GRHL2: variants seen among roughly 807,000 people sequenced by gnomAD.
GRHL2 encodes the protein grainyhead like transcription factor 2.
A neutral mutation model predicts 83.8 loss-of-function variants in GRHL2; 21 were observed. The ratio of observed to expected loss-of-function variants is 0.25; its 90% CI spans 0.18 to 0.36. The LOEUF (loss-of-function observed/expected upper bound fraction) is 0.36, where lower values mean the gene tolerates loss of function less well. Among genes scored for constraint, GRHL2 ranks in the 10% least tolerant of loss-of-function variants. The probability of loss-of-function intolerance (pLI) is 1.00; values close to 1 mark genes in which losing one functional copy is unlikely to be tolerated. For synonymous variants in GRHL2, 280 were observed against 278.9 expected, an observed-to-expected ratio of 1.00 and a Z score of -0.04; for missense variants, 623 against 781.8, an observed-to-expected ratio of 0.80 and a Z score of 2.42.
chr8:101,615,777 A>C (rs562774208), intron 8 of GRHL2, among the ~76,000 whole-genome samples: 140 of 152,038 alleles, frequency 9.2e-4, no homozygotes, highest in Non-Finnish European at 1.7e-3. Context: ...CTTCCCTCTG[A>C]CTTCTGTGAT....
chr8:101,633,767 T>C (rs1482416796), intron 11 of GRHL2, among the ~76,000 whole-genome samples: 1 of 152,150 alleles, frequency 6.6e-6, no homozygotes, highest in Admixed American at 6.5e-5. Flanking sequence ...TGATGATTTG[T>C]GTCTGCACTG....
At chr8:101,639,936 C>T (rs1209146201) in intron 12 of GRHL2, among the ~76,000 whole-genome samples, 1 of 152,226 alleles carries the variant, frequency 6.6e-6, no homozygotes, top group African/African-American at 2.4e-5. Flanking sequence ...AAAATCATCA[C>T]TCACACAATG....
Position 101,585,201 on chromosome 8 carries a change from T to C in GRHL2, c.1003+7682T>C, listed in dbSNP as rs75578609. On this transcript the variant is annotated intron_variant, in intron 7 of 15. Transcript: ENST00000646743. ...CTTCCCACCATCCCACCTAGTTTAG[T>C]TCTCTGGTTCTCTGGAGGGCTGTCC... 9.2e-5 allele frequency among the ~76,000 whole-genome samples: 14 copies of C among 152,332 alleles called. 1 individual carries two copies. In the East Asian group the frequency reaches 2.7e-3, roughly 29 times the overall value.
At chr8:101,549,224 G>A (rs941852618) in intron 2 of GRHL2, among the ~76,000 whole-genome samples, 24 of 152,140 alleles carry the variant, frequency 1.6e-4, no homozygotes, top group African/African-American at 5.1e-4. Context: ...ATGCATGGTC[G>A]TAGATATAGT....
intron 9 of GRHL2, among the ~76,000 whole-genome samples, chr8:101,626,715 G>A (rs1813087546): frequency 6.6e-6 from 1 of 152,118 alleles, no homozygotes; most frequent in African/African-American, 2.4e-5. Flanking sequence ...ATTTTCAAAT[G>A]ACAAATTTAG....
At chr8:101,663,603 T>G (rs1471467956) in intron 14 of GRHL2, among the ~76,000 whole-genome samples, 2 of 146,290 alleles carry the variant, frequency 1.4e-5, no homozygotes, top group Admixed American at 1.4e-4. Flanking sequence ...CAGAGCAAGA[T>G]TCCATCTCAA....
chr8:101,662,249 C>T (rs1813936987), intron 14 of GRHL2, among the ~76,000 whole-genome samples: 1 of 152,172 alleles, frequency 6.6e-6, no homozygotes, highest in South Asian at 2.1e-4. Context: ...TGTTTTTCAT[C>T]CTTGGCTCGT....
At chr8:101,592,191 G>A (rs573831897) in intron 7 of GRHL2, among the ~76,000 whole-genome samples, 172 of 125,052 alleles carry the variant, frequency 1.4e-3, no homozygotes, top group Non-Finnish European at 7.7e-4. Context: ...TGCAACCTCC[G>A]CCTCCCGGGT....
chr8:101,532,246 A>C (rs556019772), intron 1 of GRHL2, among the ~76,000 whole-genome samples: 152 of 152,336 alleles, frequency 1.0e-3, no homozygotes, highest in Non-Finnish European at 1.6e-3. Context: ...TGAAAGTCTT[A>C]TTCTGTTAAT....
chr8:101,542,570 GAATA>G (rs1340836112), intron 1 of GRHL2, among the ~76,000 whole-genome samples: 3 of 146,274 alleles, frequency 2.1e-5, no homozygotes, highest in East Asian at 2.0e-4. Context: ...AAAAAAAAAA[GAATA>G]AATAAATAAA....
Position 101,612,150 on chromosome 8 carries a change from C to T in GRHL2, c.1099-7389C>T, listed in dbSNP as rs546303553. On this transcript the variant is annotated intron_variant, in intron 8 of 15. Transcript: ENST00000646743. ...GATTACAGGCATGTACCACCATGCC[C>T]GGCTTATTTTTGTATTTTTAATAGA... 1.2e-3 allele frequency among the ~76,000 whole-genome samples: 187 copies of T among 150,886 alleles called. 19 individuals carry two copies. Among genetic ancestry groups the T allele is most frequent in the African/African-American group, 4.4e-3 (176 of 40,364 alleles).
rs56653568 is a variant in GRHL2, at chr8:101,591,359, G to C, written c.1004-7698G>C. 2.3e-3 allele frequency among the ~76,000 whole-genome samples: 350 copies of C among 152,084 alleles called. 8 individuals carry two copies. The East Asian group carries it at 0.058, about 25-fold the overall frequency. ...AGGCTAACTTTGGAATTTTTCTTTC[G>C]ATCTTCACAGTGCTTGCAGTATGTG... On this transcript the variant is annotated intron_variant, in intron 7 of 15. Coordinates refer to ENST00000646743, the MANE Select transcript of GRHL2 (RefSeq NM_024915.4).
intron 5 of GRHL2, 150 bp from the exon 6 acceptor site, chr8:101,573,517 TG>T: frequency 1.2e-6 from 1 of 869,158 alleles, no homozygotes; most frequent in Non-Finnish European, 1.9e-6. Context: ...ACCTTTGATC[TG>T]GTCTCATCTC....
chr8:101,657,669 T>C (rs534216217), intron 14 of GRHL2, among the ~76,000 whole-genome samples: 2 of 151,804 alleles, frequency 1.3e-5, no homozygotes, highest in South Asian at 4.2e-4. Context: ...TGAAACCCCG[T>C]CTCTACTAAA....
intron 1 of GRHL2, among the ~76,000 whole-genome samples, chr8:101,507,484 T>C (rs1810363840): frequency 6.6e-6 from 1 of 152,188 alleles, no homozygotes; most frequent in African/African-American, 2.4e-5. Flanking sequence ...CACTCAGAGA[T>C]GTTAATACTG....
chr8:101,664,320 G>A, intron 14 of GRHL2, 134 bp from the exon 15 acceptor site: 1 of 673,920 alleles, frequency 1.5e-6, no homozygotes, highest in Non-Finnish European at 2.7e-6. Flanking sequence ...TGAGTGTTTT[G>A]AGAGTTCGAC....
chr8:101,589,428 A>G (rs1812231014), intron 7 of GRHL2, among the ~76,000 whole-genome samples: 1 of 152,368 alleles, frequency 6.6e-6, no homozygotes, highest in South Asian at 2.1e-4. Context: ...GTCTATGTAC[A>G]GGATATGACC....
chr8:101,569,546 T>C (rs1811780522), intron 4 of GRHL2, among the ~76,000 whole-genome samples: 1 of 152,226 alleles, frequency 6.6e-6, no homozygotes, highest in African/African-American at 2.4e-5. Flanking sequence ...CGTAGCTCAC[T>C]GCAGCCTTGA....
At chr8:101,680,379 T>G in the GRHL2 span, among the ~76,000 whole-genome samples, 5 of 147,834 alleles carry the variant, frequency 3.4e-5, no homozygotes, top group Non-Finnish European at 7.5e-5. Flanking sequence ...GAGCTAACTA[T>G]CCTAAATATA....
Sources: gnomAD v4.1 joint callset for allele counts (sites outside exome capture counted in the v4.1 genomes callset) on GRCh38, gnomAD v4.1.1 for gene constraint, MANE v1.5 for transcripts, NCBI Gene and HGNC (gene_info 2026-07-23, HGNC 2026-07-21) for gene names.